Variants in MSL1 observed in about 807,000 individuals in gnomAD.
The protein encoded by MSL1 is MSL complex subunit 1.
A neutral mutation model predicts 64.6 loss-of-function variants in MSL1; 21 were observed. The ratio of observed to expected loss-of-function variants is 0.33; its 90% CI spans 0.23 to 0.47. The LOEUF (loss-of-function observed/expected upper bound fraction) is 0.47, where lower values mean the gene tolerates loss of function less well. Ranked by LOEUF, MSL1 falls within the 20% of genes least tolerant of loss-of-function variation. The probability of loss-of-function intolerance (pLI) is 1.00; values close to 1 mark genes in which losing one functional copy is unlikely to be tolerated. For synonymous variants in MSL1, 339 were observed against 329.6 expected (o/e 1.03, Z -0.31); for missense variants, 664 against 793.2 (o/e 0.84, Z 1.96).
rs377628299 is a variant in MSL1 at position 40,122,957 on chromosome 17, G to T, written c.345G>T (p.Gly115=). Residue 115 remains glycine, a synonymous_variant, in exon 1 of 9, where the codon GGG becomes GGT. Transcript: ENST00000398532. The surrounding 1 kb of genome is among the most constrained non-coding windows in gnomAD (Gnocchi z 4.2). ...CGGCCACCAAGCAAGCCGGCATTGG[G>T]GGGGAGCCTGCCGCAGCCGGAGCCG... ...PPPATKQAGI[G]GEPAAAGAGC... The T allele has an allele frequency of 3.0e-5, 46 of 1,526,564 alleles. No homozygotes were observed. Among genetic ancestry groups the T allele is most frequent in the South Asian group, 1.1e-4 (9 of 83,534 alleles). The allele number at this position is 1,526,564 out of a possible 1,614,324, so 94.6% of individuals were successfully genotyped here.
chr17:40,127,741 A>G (rs563057208), intron 2 of MSL1, among the ~76,000 whole-genome samples: 106 of 152,344 alleles, frequency 7.0e-4, no homozygotes, highest in Non-Finnish European at 1.2e-3. Flanking sequence ...TGCTGGGATT[A>G]CAGACATTAA....
In MSL1 at chr17:40,122,761, G is replaced by A. The variant is rs759798900; in HGVS notation, c.149G>A (p.Arg50His). The change falls in exon 1 of 9, where the codon CGT becomes CAT. Residue 50 changes from arginine to histidine, a missense_variant. Arg to His is a conservative substitution (Grantham distance 29, BLOSUM62 0). This residue lies in a region of MSL1 where 466 missense variants were observed against 499.0 expected (regional missense o/e 0.93). Coordinates refer to ENST00000398532, the MANE Select transcript of MSL1 (RefSeq NM_001365919.1). This position sits in a 1 kb window ranked among gnomAD's most constrained non-coding sequence, Gnocchi z 4.2. ...AAEAHFLPRH[R>H]KLKEPGPPLA... ...GAAGCCCACTTCCTCCCCCGGCACCGTAAGCTCAAGGAGCCGGGGCCCCCG... is the reference window on the plus strand; with the variant it reads ...GAAGCCCACTTCCTCCCCCGGCACCATAAGCTCAAGGAGCCGGGGCCCCCG... 18 of 1,413,438 alleles carry A rather than the reference G, an allele frequency of 1.3e-5. No individual in the cohort carries two copies. Among genetic ancestry groups the A allele is most frequent in the South Asian group, 1.5e-5 (1 of 67,368 alleles). The allele number at this position is 1,413,438 out of a possible 1,614,324, so 87.6% of individuals were successfully genotyped here.
chr17:40,136,833 A>G lies in MSL1; in HGVS notation c.*2464A>G, dbSNP rs1988549154. On this transcript the variant is annotated 3_prime_UTR_variant, in exon 9 of 9. Coordinates refer to ENST00000398532, the MANE Select transcript of MSL1 (RefSeq NM_001365919.1). The stretch of plus-strand genomic sequence containing the variant: ...AATTTATTATATTTATTGGCAAACA[A>G]ACAATTCTGCTTGTATATTTGAAAC... The G allele has an allele frequency of 6.6e-6, 1 of 152,388 alleles. No individual in the cohort carries two copies. The highest frequency in any genetic ancestry group is 2.1e-4 in the South Asian group (1 of 4,832). The allele number at this position is 152,388 out of a possible 1,614,324, so 9.4% of individuals were successfully genotyped here.
Position 40,129,337 on chromosome 17 carries a change from C to T in MSL1, c.1085C>T (p.Ser362Phe), listed in dbSNP as rs1449526305. The T allele has an allele frequency of 1.2e-6, 2 of 1,610,476 alleles. No homozygotes were observed. Among genetic ancestry groups the T allele is most frequent in the East Asian group, 2.2e-5 (1 of 44,892 alleles). ...GTCAAAACAAAAACTCCTAAGCACT[C>T]TCCTATTAAAGAGGAACCCTGTGGT... is the stretch of plus-strand genomic sequence containing the variant. ...SKVKTKTPKH[S>F]PIKEEPCGSL... Residue 362 changes from serine (S) to phenylalanine (F), a missense_variant, in exon 3 of 9, where the codon TCT becomes TTT. By Grantham distance (155) the Ser-to-Phe change is radical (BLOSUM62 -2). Transcript: ENST00000398532.
Position 40,134,672 on chromosome 17 carries a change from G to C in MSL1, c.*303G>C. ...GGTCTGTTTCTATACATTTGCCTAT[G>C]TTAAAGGGGTAAAAGGGCTCTCTTC... is the stretch of plus-strand genomic sequence containing the variant. On this transcript the variant is annotated 3_prime_UTR_variant, in exon 9 of 9. Coordinates refer to ENST00000398532, the MANE Select transcript of MSL1 (RefSeq NM_001365919.1). 1 of 342,250 alleles carries C rather than the reference G, an allele frequency of 2.9e-6. No homozygotes were observed. The highest frequency in any genetic ancestry group is 3.4e-5 in the South Asian group (1 of 29,522). The allele number at this position is 342,250 out of a possible 1,614,324, so 21.2% of individuals were successfully genotyped here.
At position 40,124,465 on chromosome 17, in the gene MSL1, GCAAGCGGCTATT is replaced by G. The variant is rs1988269817; in HGVS notation, c.768+1088_768+1099del. The G allele has an allele frequency of 2.0e-5, 3 of 151,814 alleles. 1 individual carries two copies. The highest frequency in any genetic ancestry group is 2.0e-4 in the Admixed American group (3 of 15,250). 9.4% of individuals were successfully genotyped at this position (151,814 alleles called of 1,614,324 possible). On this transcript the variant is annotated intron_variant, in intron 1 of 8. Coordinates refer to ENST00000398532, the MANE Select transcript of MSL1 (RefSeq NM_001365919.1). ...TGTGCGCTAAGAGCTGAGCAAGGGA[GCAAGCGGCTATT>G]CATTTTGTTTGCTTTCCAAATGAAT... is the stretch of plus-strand genomic sequence containing the variant.
intron 1 of MSL1, among the ~76,000 whole-genome samples, chr17:40,123,662 A>G (rs1287574351): frequency 1.3e-5 from 2 of 152,094 alleles, no homozygotes; most frequent in African/African-American, 2.4e-5. Flanking sequence ...AAAGACGTTT[A>G]GTGGAAAAAG....
At chr17:40,132,946 A>T in intron 5 of MSL1, 96 bp from the exon 6 acceptor site, 1 of 1,217,008 alleles carries the variant, frequency 8.2e-7, no homozygotes, top group Non-Finnish European at 1.2e-6. Context: ...CGGAAGGTGA[A>T]AGATTTTACG....
chr17:40,129,404 A>G lies in MSL1; in HGVS notation c.1152A>G (p.Gln384=), dbSNP rs1455110836. 4 of 1,613,538 alleles carry G rather than the reference A, an allele frequency of 2.5e-6. No individual in the cohort carries two copies. The highest frequency in any genetic ancestry group is 1.3e-5 in the African/African-American group (1 of 74,872). Residue 384 remains glutamine, a synonymous_variant, in exon 3 of 9, where the codon CAA becomes CAG. Coordinates refer to ENST00000398532, the MANE Select transcript of MSL1 (RefSeq NM_001365919.1). The stretch of plus-strand genomic sequence containing the variant: ...TTTGTAAACGTGAATTGAGGAGCCA[A>G]GAAACCCCAGAAAAGCCCCGGTCTT... ...ETVCKRELRS[Q]ETPEKPRSSV...
At chr17:40,125,594 C>T (rs537223554) in intron 1 of MSL1, among the ~76,000 whole-genome samples, 10 of 152,170 alleles carry the variant, frequency 6.6e-5, no homozygotes, top group African/African-American at 1.7e-4. Flanking sequence ...AGGTGGACCA[C>T]GAGGTCAAGA....
At position 40,124,353 on chromosome 17, in the gene MSL1, C is replaced by T. The variant is rs550005533; in HGVS notation, c.768+973C>T. 1.2e-4 allele frequency among the ~76,000 whole-genome samples: 18 copies of T among 151,970 alleles called. No homozygotes were observed. The South Asian group carries it at 3.5e-3, about 30-fold the overall frequency. Reference sequence around the variant, plus strand: ...TCTCTCCCTCCCTCTTCCTCCCTCCCTGTCTCTTTCCCTTTCTCTCTCTCT... The same window carrying T: ...TCTCTCCCTCCCTCTTCCTCCCTCCTTGTCTCTTTCCCTTTCTCTCTCTCT... On this transcript the variant is annotated intron_variant, in intron 1 of 8. Coordinates refer to ENST00000398532, the MANE Select transcript of MSL1 (RefSeq NM_001365919.1).
intron 5 of MSL1, 49 bp from the exon 6 acceptor site, chr17:40,132,993 A>G (rs1479309614): frequency 6.5e-7 from 1 of 1,532,840 alleles, no homozygotes; most frequent in Non-Finnish European, 8.9e-7. Flanking sequence ...ATATGTGTGT[A>G]ACTAATATAT....
chr17:40,133,931 G>A (rs369952395), intron 8 of MSL1, 32 bp downstream of exon 8: 40 of 1,573,018 alleles, frequency 2.5e-5, no homozygotes, highest in Non-Finnish European at 3.5e-5. Flanking sequence ...CCCCTTCCAG[G>A]TAACCTGCAC....
rs1988474193 is a variant in MSL1, at chr17:40,133,178, T to C, written c.1556+69T>C. 19 of 1,378,792 alleles carry C rather than the reference T, an allele frequency of 1.4e-5. 1 individual carries two copies. Among genetic ancestry groups the C allele is most frequent in the Admixed American group, 4.1e-5 (2 of 48,930 alleles). 85.4% of individuals were successfully genotyped at this position (1,378,792 alleles called of 1,614,324 possible). ...ACCTAGGACAGAGTATCAGGGAACC[T>C]GACCTCCCTTTTTCATGCTGTGGAG... On this transcript the variant is annotated intron_variant, in intron 6 of 8. Transcript: ENST00000398532.
chr17:40,123,466 C>G (rs940399693), intron 1 of MSL1, 86 bp downstream of exon 1: 2 of 1,373,406 alleles, frequency 1.5e-6, no homozygotes, highest in Non-Finnish European at 2.0e-6. Flanking sequence ...GTTAAGGCAC[C>G]CCCGGGTTAG....
intron 2 of MSL1, among the ~76,000 whole-genome samples, chr17:40,128,080 C>T (rs1470795015): frequency 6.6e-6 from 1 of 151,980 alleles, no homozygotes; most frequent in Non-Finnish European, 1.5e-5. Flanking sequence ...AGAGATCGCA[C>T]CACTGCACTC....
chr17:40,127,110 G>T (rs917790318), intron 2 of MSL1, among the ~76,000 whole-genome samples: 14 of 152,118 alleles, frequency 9.2e-5, no homozygotes, highest in African/African-American at 3.4e-4. Context: ...GGTGGGGAAG[G>T]AGTATGGAAC....
In MSL1 at chr17:40,132,194, A is replaced by G; in HGVS notation, c.1488+96A>G. 8.1e-6 allele frequency: 7 copies of G among 865,400 alleles called. No individual in the cohort carries two copies. The South Asian group carries it at 1.1e-4, about 14-fold the overall frequency. The allele number at this position is 865,400 out of a possible 1,614,324, so 53.6% of individuals were successfully genotyped here. ...TGTCATAGTACTATGGATGAATTAAATAATTTTAAGGCCAGACAGAAACTT... is the reference window on the plus strand; with the variant it reads ...TGTCATAGTACTATGGATGAATTAAGTAATTTTAAGGCCAGACAGAAACTT... On this transcript the variant is annotated intron_variant, in intron 5 of 8. Transcript: ENST00000398532.
rs561570911 is a variant in MSL1, at chr17:40,129,521, G to A, written c.1269G>A (p.Leu423=). 1.2e-6 allele frequency: 2 copies of A among 1,613,886 alleles called. No individual in the cohort carries two copies. Among genetic ancestry groups the A allele is most frequent in the Non-Finnish European group, 1.7e-6 (2 of 1,179,872 alleles). The change falls in exon 3 of 9, where the codon TTG becomes TTA. Residue 423 remains leucine, a synonymous_variant. Coordinates refer to ENST00000398532, the MANE Select transcript of MSL1 (RefSeq NM_001365919.1). ...EKAFSSEIED[L]PYLSTTEMYL... ...CCTTCTCAAGTGAGATAGAAGATTT[G>A]CCGTACCTTTCCACCACAGAAATGT...
Sources: allele counts gnomAD v4.1 joint callset (sites outside exome capture counted in the v4.1 genomes callset), GRCh38; gene constraint gnomAD v4.1.1; regional missense constraint gnomAD v4.1.1; non-coding constraint Gnocchi (gnomAD v3.1); transcripts MANE v1.5; gene names NCBI Gene and HGNC (gene_info 2026-07-23, HGNC 2026-07-21).